C1orf159: variants seen among roughly 807,000 people sequenced by gnomAD.
C1orf159 encodes chromosome 1 open reading frame 159.
A neutral mutation model predicts 25.6 loss-of-function variants in C1orf159; 19 were observed. The observed-to-expected ratio is 0.74, with a 90% CI of 0.52 to 1.09. The LOEUF (loss-of-function observed/expected upper bound fraction) is 1.09. Among genes scored for constraint, C1orf159 ranks in the 50% least tolerant of loss-of-function variants. The pLI, the probability that C1orf159 is intolerant of heterozygous loss-of-function variation, is 0.00. For missense variants in C1orf159, 274 were observed against 290.6 expected (o/e 0.94, Z 0.42); for synonymous variants, 139 against 124.7 (o/e 1.12, Z -0.77).
At chr1:1,091,440 A>T (rs1645933004) in intron 3 of C1orf159, 32 bp downstream of exon 3, 1 of 1,542,214 alleles carries the variant, frequency 6.5e-7, no homozygotes, top group South Asian at 1.2e-5. Context: ...GCTCTGGCTT[A>T]GGCCGCGTGG....
Position 1,114,015 on chromosome 1 carries a change from C to G in C1orf159, c.-136+2045G>C, listed in dbSNP as rs1317402885. ...CACTGCAACCTCCGCCTCCCGAGTTCAAGCGATTCTCCTGCCTCAGCCTCC... is the reference window on the plus strand; with the variant it reads ...CACTGCAACCTCCGCCTCCCGAGTTGAAGCGATTCTCCTGCCTCAGCCTCC... On this transcript the variant is annotated intron_variant, in intron 1 of 9. Transcript: ENST00000421241. Among the ~76,000 whole-genome samples the G allele has an allele frequency of 3.3e-5, 5 of 149,530 alleles. No homozygotes were observed. In the East Asian group the frequency reaches 1.0e-3, roughly 31 times the overall value.
At chr1:1,099,081 T>C (rs1052028211) in intron 1 of C1orf159, among the ~76,000 whole-genome samples, 6 of 146,604 alleles carry the variant, frequency 4.1e-5, no homozygotes, top group Non-Finnish European at 9.0e-5. Context: ...TTTTGGTCTA[T>C]TCTAAGAATC....
chr1:1,082,470 T>G lies in C1orf159; in HGVS notation c.*423A>C. 4.5e-6 allele frequency: 1 copy of G among 221,840 alleles called. No homozygotes were observed. Among genetic ancestry groups the G allele is most frequent in the Non-Finnish European group, 9.2e-6 (1 of 109,058 alleles). 13.7% of individuals were successfully genotyped at this position (221,840 alleles called of 1,614,324 possible). A position where few individuals can be genotyped will look rare whatever the true frequency, so the allele number is the denominator to read the frequency against. ...CTCAGAGGGGTCTCGGGCCACTGGG[T>G]GTGGTGGTGCTGGAGGAGTCCTGCC... On this transcript the variant is annotated 3_prime_UTR_variant, in exon 10 of 10. Coordinates refer to ENST00000421241, the MANE Select transcript of C1orf159 (RefSeq NM_017891.5).
intron 2 of C1orf159, 153 bp downstream of exon 2, chr1:1,091,838 G>T: frequency 2.0e-6 from 1 of 502,194 alleles, no homozygotes; most frequent in Non-Finnish European, 3.8e-6. Flanking sequence ...CGGGGCCGCG[G>T]CAGATGACTG....
At chr1:1,099,574 G>A (rs111426130) in intron 1 of C1orf159, among the ~76,000 whole-genome samples, 147 of 134,958 alleles carry the variant, frequency 1.1e-3, no homozygotes, top group African/African-American at 4.1e-3. Flanking sequence ...TAAAATCTCC[G>A]ACTATGATTG....
chr1:1,103,306 T>G (rs1646127697), intron 1 of C1orf159, among the ~76,000 whole-genome samples: 1 of 152,206 alleles, frequency 6.6e-6, no homozygotes, highest in Non-Finnish European at 1.5e-5. Flanking sequence ...TTCCAACAGC[T>G]AGGTCATAAC....
chr1:1,084,166 T>A (rs1439299572), intron 9 of C1orf159, 187 bp downstream of exon 9: 12 of 1,540,242 alleles, frequency 7.8e-6, no homozygotes, highest in Admixed American at 7.7e-5. Context: ...CCAGCTGAGA[T>A]CCAGAGCAGG....
intron 3 of C1orf159, 119 bp from the exon 4 acceptor site, chr1:1,090,547 T>C: frequency 9.2e-7 from 1 of 1,087,746 alleles, no homozygotes; most frequent in Non-Finnish European, 1.3e-6. Context: ...CTCCGGCCTC[T>C]TCTGGAGTCA....
chr1:1,102,089 AAAAAAAAC>A (rs1390785227), intron 1 of C1orf159, among the ~76,000 whole-genome samples: 21 of 150,856 alleles, frequency 1.4e-4, no homozygotes, highest in Non-Finnish European at 2.2e-4. Context: ...AAAAAAAAAA[AAAAAAAAC>A]AAACTTTTGA....
At position 1,110,130 on chromosome 1, in the gene C1orf159, G is replaced by A. The variant is rs1005145467; in HGVS notation, c.-136+5930C>T. Among the ~76,000 whole-genome samples the A allele has an allele frequency of 3.3e-5, 5 of 152,216 alleles. No individual in the cohort carries two copies. Among genetic ancestry groups the A allele is most frequent in the Non-Finnish European group, 7.3e-5 (5 of 68,046 alleles). On this transcript the variant is annotated intron_variant, in intron 1 of 9. Coordinates refer to ENST00000421241, the MANE Select transcript of C1orf159 (RefSeq NM_017891.5). This position sits in a 1 kb window ranked among gnomAD's most constrained non-coding sequence, Gnocchi z 4.8. Reference sequence around the variant, plus strand: ...CCTTAGGTCCTGATTATAACTCGGCGTCTTATTGCCGCAGAGTCTGTCAGT... The same window carrying A: ...CCTTAGGTCCTGATTATAACTCGGCATCTTATTGCCGCAGAGTCTGTCAGT...
At chr1:1,107,469 G>A (rs954560447) in intron 1 of C1orf159, among the ~76,000 whole-genome samples, 1 of 152,174 alleles carries the variant, frequency 6.6e-6, no homozygotes, top group Non-Finnish European at 1.5e-5. Flanking sequence ...TCTAGCTCAA[G>A]GTTTGTAAAT....
chr1:1,090,726 G>A lies in C1orf159; in HGVS notation c.73-298C>T, dbSNP rs763787212. ...ACCCGCAGGCCATGGCAGCGCCACC[G>A]ACATTCTCTGCAAGTCTCCGGAGGC... On this transcript the variant is annotated intron_variant, in intron 3 of 9. Coordinates refer to ENST00000421241, the MANE Select transcript of C1orf159 (RefSeq NM_017891.5). 1.5e-4 allele frequency: 122 copies of A among 788,228 alleles called. 2 individuals are homozygous for A. The highest frequency in any genetic ancestry group is 6.6e-4 in the South Asian group (44 of 66,468). 48.8% of individuals were successfully genotyped at this position (788,228 alleles called of 1,614,324 possible).
chr1:1,114,065 C>T (rs557066723), intron 1 of C1orf159, among the ~76,000 whole-genome samples: 23 of 152,122 alleles, frequency 1.5e-4, no homozygotes, highest in African/African-American at 5.1e-4. Flanking sequence ...CACAGGCGCC[C>T]GCCACCATGC....
intron 7 of C1orf159, chr1:1,085,341 T>G (rs1216633055): frequency 2.7e-6 from 1 of 365,142 alleles, no homozygotes; most frequent in East Asian, 8.0e-5. Context: ...CCACGGACCC[T>G]GCTCAGAACC....
chr1:1,094,198 C>T (rs979730694), intron 1 of C1orf159, among the ~76,000 whole-genome samples: 2 of 151,396 alleles, frequency 1.3e-5, no homozygotes, highest in African/African-American at 2.4e-5. Context: ...CCAGGGCTTA[C>T]GCGATACTCC....
In C1orf159 at chr1:1,082,733, T is replaced by G; in HGVS notation, c.*160A>C. 1 of 666,354 alleles carries G rather than the reference T, an allele frequency of 1.5e-6. No homozygotes were observed. The highest frequency in any genetic ancestry group is 2.6e-6 in the Non-Finnish European group (1 of 377,646). 41.3% of individuals were successfully genotyped at this position (666,354 alleles called of 1,614,324 possible). A position where few individuals can be genotyped will look rare whatever the true frequency, so the allele number is the denominator to read the frequency against. ...AGGAGCCTCAGGCGGCCCGGGACCCTTTGGCGTCCGTCGCTGGGAGGCGGA... is the reference window on the plus strand; with the variant it reads ...AGGAGCCTCAGGCGGCCCGGGACCCGTTGGCGTCCGTCGCTGGGAGGCGGA... On this transcript the variant is annotated 3_prime_UTR_variant, in exon 10 of 10. Coordinates refer to ENST00000421241, the MANE Select transcript of C1orf159 (RefSeq NM_017891.5).
intron 3 of C1orf159, chr1:1,090,705 G>C: frequency 1.4e-6 from 1 of 730,890 alleles, no homozygotes; most frequent in Non-Finnish European, 2.4e-6. Context: ...GGCGGCACCC[G>C]CAGGCCATGG....
At chr1:1,092,373 C>G (rs1381399355) in intron 1 of C1orf159, 1 of 176,788 alleles carries the variant, frequency 5.7e-6, no homozygotes, top group Non-Finnish European at 1.2e-5. Context: ...GGACCAGGTA[C>G]GGAGCTCAGT....
chr1:1,094,138 C>T (rs1343705459), intron 1 of C1orf159, among the ~76,000 whole-genome samples: 3 of 151,600 alleles, frequency 2.0e-5, no homozygotes, highest in Non-Finnish European at 4.4e-5. Context: ...CACTCTGTTG[C>T]CCAGGCTGGA....
Sources: allele counts gnomAD v4.1 joint callset (sites outside exome capture counted in the v4.1 genomes callset), GRCh38; gene constraint gnomAD v4.1.1; non-coding constraint Gnocchi (gnomAD v3.1); transcripts MANE v1.5; gene names NCBI Gene and HGNC (gene_info 2026-07-23, HGNC 2026-07-21).